Variants in SULT1C2 observed in about 807,000 individuals in gnomAD.
SULT1C2 encodes sulfotransferase 1C2.
SULT1C2 carries 27 observed loss-of-function variants against 36.0 expected under a neutral mutation model. The observed-to-expected ratio is 0.75, with a 90% CI of 0.55 to 1.03. SULT1C2 has a LOEUF of 1.03. Ranked by LOEUF, SULT1C2 falls within the 50% of genes least tolerant of loss-of-function variation. SULT1C2 has a pLI of 0.00. For missense variants in SULT1C2, 395 were observed against 359.2 expected, an observed-to-expected ratio of 1.10 and a Z score of -0.80; for synonymous variants, 121 against 116.0, an observed-to-expected ratio of 1.04 and a Z score of -0.27.
rs1677112056 is a variant in SULT1C2 at position 108,309,774 on chromosome 2, AAAG to A, written c.*1313_*1315del. On this transcript the variant is annotated 3_prime_UTR_variant, in exon 8 of 8. Coordinates refer to ENST00000251481, the MANE Select transcript of SULT1C2 (RefSeq NM_001056.4). The stretch of plus-strand genomic sequence containing the variant: ...AGAGAAAAAAAAAAGGAAAAAAAGA[AAAG>A]AAAAGTGAAAAGAAAAACTCTTATT... 1 of 152,116 alleles carries A rather than the reference AAAG, an allele frequency of 6.6e-6. No individual in the cohort carries two copies. The highest frequency in any genetic ancestry group is 2.4e-5 in the African/African-American group (1 of 41,458). The allele number at this position is 152,116 out of a possible 1,614,324, so 9.4% of individuals were successfully genotyped here.
chr2:108,304,531 C>G, intron 4 of SULT1C2, 43 bp from the exon 5 acceptor site: 3 of 1,561,774 alleles, frequency 1.9e-6, no homozygotes, highest in Non-Finnish European at 2.6e-6. Context: ...TGAAAGTCCA[C>G]TTTTTATACC....
Position 108,294,344 on chromosome 2 carries a change from C to T in SULT1C2, c.267C>T (p.Pro89=). 1 of 1,611,282 alleles carries T rather than the reference C, an allele frequency of 6.2e-7. No individual in the cohort carries two copies. The highest frequency in any genetic ancestry group is 1.1e-5 in the South Asian group (1 of 90,742). Residue 89 remains proline, a synonymous_variant, in exon 3 of 8, where the codon CCC becomes CCT. Coordinates refer to ENST00000251481, the MANE Select transcript of SULT1C2 (RefSeq NM_001056.4). ...RHPFIEWARP[P]QPSGVEKAKA... is the part of the protein sequence containing the mutation. ...CTTTCATTGAGTGGGCTCGGCCACC[C>T]CAACCTTCTGGTGAGAGCACCTCCC...
chr2:108,293,210 G>T (rs1213962176), intron 1 of SULT1C2, among the ~76,000 whole-genome samples: 1 of 148,042 alleles, frequency 6.8e-6, no homozygotes, highest in African/African-American at 2.5e-5. Flanking sequence ...AAAAGGAAAG[G>T]TGTATATCTA....
chr2:108,290,177 C>G (rs181062078), intron 1 of SULT1C2, among the ~76,000 whole-genome samples: 77 of 152,274 alleles, frequency 5.1e-4, no homozygotes, highest in African/African-American at 1.7e-3. Flanking sequence ...AGACTCAACC[C>G]CAGAATTGGA....
At chr2:108,300,709 C>G in intron 3 of SULT1C2, 129 bp from the exon 4 acceptor site, 1 of 1,409,976 alleles carries the variant, frequency 7.1e-7, no homozygotes, top group South Asian at 1.7e-5. Context: ...ATTGTAAAAT[C>G]CCAAAAGAAA....
intron 7 of SULT1C2, among the ~76,000 whole-genome samples, chr2:108,307,808 C>CTT (rs1677061426): frequency 5.9e-5 from 9 of 152,098 alleles, no homozygotes; most frequent in Admixed American, 5.9e-4. Flanking sequence ...CCACCCGCAC[C>CTT]CCAATCAAGA....
intron 4 of SULT1C2, chr2:108,302,046 C>T (rs1169475712): frequency 1.3e-5 from 2 of 152,116 alleles, no homozygotes; most frequent in Non-Finnish European, 2.9e-5. Flanking sequence ...TGTAGAACAT[C>T]CAGGATTACT....
intron 1 of SULT1C2, among the ~76,000 whole-genome samples, chr2:108,292,845 T>C (rs1305879233): frequency 1.3e-5 from 2 of 152,164 alleles, no homozygotes; most frequent in Non-Finnish European, 2.9e-5. Flanking sequence ...AGAGACCTAA[T>C]TCATGACAGC....
chr2:108,292,018 A>G (rs1676605484), intron 1 of SULT1C2, among the ~76,000 whole-genome samples: 1 of 152,228 alleles, frequency 6.6e-6, no homozygotes, highest in Non-Finnish European at 1.5e-5. Flanking sequence ...AGAAGCCACC[A>G]TGAAAACTGC....
intron 1 of SULT1C2, among the ~76,000 whole-genome samples, chr2:108,292,810 G>A (rs1193496789): frequency 6.6e-6 from 1 of 152,168 alleles, no homozygotes; most frequent in East Asian, 1.9e-4. Flanking sequence ...ATAATTCAAA[G>A]AGATATTTGT....
chr2:108,295,024 A>G (rs545142618), intron 3 of SULT1C2, among the ~76,000 whole-genome samples: 1 of 152,332 alleles, frequency 6.6e-6, no homozygotes, highest in Non-Finnish European at 1.5e-5. Context: ...ATGTGATAGA[A>G]AGCTGGGAGC....
chr2:108,294,458 C>CATCTCTCCTTCCTCTTTTCTCTCTCCCT (rs59819649), intron 3 of SULT1C2, 104 bp downstream of exon 3: 1 of 1,091,268 alleles, frequency 9.2e-7, no homozygotes, highest in Non-Finnish European at 1.2e-6. Context: ...CTCTCTCTCC[C>CATCTCTCCTTCCTCTTTTCTCTCTCCCT]CCATCTCTCC....
Position 108,298,503 on chromosome 2 carries a change from A to G in SULT1C2, c.278-2335A>G, listed in dbSNP as rs966505397. ...ATCCTCCCATCTCAGCCTCCCGAGT[A>G]AGTAGCTGGGACTACAGGTGCGTAT... On this transcript the variant is annotated intron_variant, in intron 3 of 7. Coordinates refer to ENST00000251481, the MANE Select transcript of SULT1C2 (RefSeq NM_001056.4). 4 of 213,042 alleles carry G rather than the reference A, an allele frequency of 1.9e-5. No homozygotes were observed. The Admixed American group carries it at 2.4e-4, about 13-fold the overall frequency. The allele number at this position is 213,042 out of a possible 1,614,324, so 13.2% of individuals were successfully genotyped here.
In SULT1C2 at chr2:108,294,414, CCT is replaced by C. The variant is rs553230524; in HGVS notation, c.277+61_277+62del. On this transcript the variant is annotated intron_variant, in intron 3 of 7. Transcript: ENST00000251481. ...TCTTTCCCTCTCTCTTCTGTTTTCC[CCT>C]GTCTTTTCTCACTTTTCTCCTCTTC... The C allele has an allele frequency of 1.1e-3, 1,760 of 1,579,554 alleles. 2 individuals are homozygous for C. The highest frequency in any genetic ancestry group is 1.4e-3 in the Non-Finnish European group (1,636 of 1,159,698).
In SULT1C2 at chr2:108,292,563, G is replaced by A. The variant is rs535118170; in HGVS notation, c.-21-1084G>A. Among the ~76,000 whole-genome samples the A allele has an allele frequency of 9.1e-4, 139 of 152,028 alleles. 1 individual carries two copies. The Middle Eastern group carries it at 0.014, about 15-fold the overall frequency. On this transcript the variant is annotated intron_variant, in intron 1 of 7. Transcript: ENST00000251481. ...AAACCCCAATGAGCTATTTATCACC[G>A]CACAACCATTAGGATGGCTATTATC...
At chr2:108,293,862 C>T in intron 2 of SULT1C2, 44 bp downstream of exon 2, 2 of 1,592,694 alleles carry the variant, frequency 1.3e-6, no homozygotes, top group Non-Finnish European at 1.7e-6. Flanking sequence ...GCTGAGCCAG[C>T]ACAGGCTCAT....
At chr2:108,305,106 C>G in intron 5 of SULT1C2, 66 bp from the exon 6 acceptor site, 3 of 1,577,588 alleles carry the variant, frequency 1.9e-6, no homozygotes, top group South Asian at 1.1e-5. Flanking sequence ...TCAGGAAAAT[C>G]CCTAATACTC....
intron 2 of SULT1C2, 91 bp from the exon 3 acceptor site, chr2:108,294,138 A>T: frequency 6.4e-7 from 1 of 1,558,732 alleles, no homozygotes; most frequent in Admixed American, 1.9e-5. Context: ...TGCAAACACC[A>T]AGGCTCTACA....
chr2:108,293,774 A>G lies in SULT1C2; in HGVS notation c.107A>G (p.Glu36Gly). ...VDNWSQIQSF[E>G]AKPDDLLICT... ...AACTGGAGCCAGATCCAGAGCTTCGAGGCCAAACCAGATGATCTCCTCATC... is the reference window on the plus strand; with the variant it reads ...AACTGGAGCCAGATCCAGAGCTTCGGGGCCAAACCAGATGATCTCCTCATC... The change falls in exon 2 of 8, where the codon GAG becomes GGG. Residue 36 changes from glutamate (E) to glycine (G), a missense_variant. Coordinates refer to ENST00000251481, the MANE Select transcript of SULT1C2 (RefSeq NM_001056.4). 2 of 1,614,138 alleles carry G rather than the reference A, an allele frequency of 1.2e-6. No individual in the cohort carries two copies. The highest frequency in any genetic ancestry group is 1.7e-6 in the Non-Finnish European group (2 of 1,179,998).
Sources: allele counts gnomAD v4.1 joint callset (sites outside exome capture counted in the v4.1 genomes callset), GRCh38; gene constraint gnomAD v4.1.1; transcripts MANE v1.5; gene names NCBI Gene and HGNC (gene_info 2026-07-23, HGNC 2026-07-21).